MYH4: variants seen among roughly 807,000 people sequenced by gnomAD.
MYH4 encodes myosin-4.
Under a neutral mutation model 229.9 loss-of-function variants are expected in MYH4, and 200 were observed. That is an observed-to-expected ratio of 0.87 (90% CI 0.78 to 0.98). MYH4 has a LOEUF of 0.98. Ranked by LOEUF, MYH4 falls within the 50% of genes least tolerant of loss-of-function variation. MYH4 has a pLI of 0.00. For synonymous variants in MYH4, 761 were observed against 834.6 expected (o/e 0.91, Z 1.52); for missense variants, 2,148 against 2,332.6 (o/e 0.92, Z 1.63).
At position 10,452,857 on chromosome 17, in the gene MYH4, G is replaced by T; in HGVS notation, c.3187C>A (p.Leu1063Ile). 6.2e-7 allele frequency: 1 copy of T among 1,608,774 alleles called. No individual in the cohort carries two copies. The highest frequency in any genetic ancestry group is 8.5e-7 in the Non-Finnish European group (1 of 1,179,132). Residue 1063 changes from leucine to isoleucine, a missense_variant, in exon 25 of 40, where the codon CTA (leucine) becomes ATA (isoleucine). Physicochemically the swap from Leu to Ile is conservative, Grantham distance 5. Coordinates refer to ENST00000255381, the MANE Select transcript of MYH4 (RefSeq NM_017533.2). ...ATTGTGGATTCTTGGGCCAATTTTA[G>T]GTCACCCTCCAGTTTTCTCTTGGCT... ...ERAKRKLEGD[L>I]KLAQESTMDT...
chr17:10,443,504 A>G lies in MYH4; in HGVS notation c.5691T>C (p.Leu1897=), dbSNP rs1411631651. 5.6e-6 allele frequency: 9 copies of G among 1,613,920 alleles called. No individual in the cohort carries two copies. The highest frequency in any genetic ancestry group is 2.2e-5 in the East Asian group (1 of 44,892). ...EEAEEQSNVN[L]AKFRKLQHEL... ...CGTGCTGGAGCTTGCGGAACTTGGC[A>G]AGGTTGACATTGGATTGTTCCTCCT... The change falls in exon 40 of 40, where the codon CTT becomes CTC. Residue 1897 remains leucine, a synonymous_variant. Coordinates refer to ENST00000255381, the MANE Select transcript of MYH4 (RefSeq NM_017533.2). This position sits in a 1 kb window ranked among gnomAD's most constrained non-coding sequence, Gnocchi z 4.6.
In MYH4 at chr17:10,463,482, A is replaced by C. The variant is rs560274963; in HGVS notation, c.741+69T>G. 1.6e-5 allele frequency: 25 copies of C among 1,575,636 alleles called. No homozygotes were observed. In the East Asian group the frequency reaches 5.4e-4, roughly 34 times the overall value. On this transcript the variant is annotated intron_variant, in intron 8 of 39. Transcript: ENST00000255381. ...TAGCTGTGGACCAAACAGGTGGAAAAAATATTGACACCACATGCACACAAG... is the reference window on the plus strand; with the variant it reads ...TAGCTGTGGACCAAACAGGTGGAAACAATATTGACACCACATGCACACAAG...
Position 10,457,742 on chromosome 17 carries a change from A to T in MYH4, c.1588-13T>A, listed in dbSNP as rs1174482680. 4 of 1,608,368 alleles carry T rather than the reference A, an allele frequency of 2.5e-6. No homozygotes were observed. Among genetic ancestry groups the T allele is most frequent in the Non-Finnish European group, 3.4e-6 (4 of 1,176,726 alleles). On this transcript the variant is annotated splice_polypyrimidine_tract_variant and intron_variant, in intron 15 of 39. Coordinates refer to ENST00000255381, the MANE Select transcript of MYH4 (RefSeq NM_017533.2). ...AGATGCCCATAGGCTAAGAATAGGA[A>T]AAAAGGGATGATAATGATGAGTCCC...
intron 2 of MYH4, among the ~76,000 whole-genome samples, chr17:10,467,608 T>C (rs1476367526): frequency 8.5e-5 from 13 of 152,156 alleles, no homozygotes; most frequent in Admixed American, 6.5e-5. Flanking sequence ...TATTTCTCTT[T>C]GTTTTTAGTT....
In MYH4 at chr17:10,463,185, A is replaced by T; in HGVS notation, c.809T>A (p.Leu270Gln). 1 of 1,610,572 alleles carries T rather than the reference A, an allele frequency of 6.2e-7. No individual in the cohort carries two copies. Residue 270 changes from leucine (L) to glutamine (Q), a missense_variant, in exon 10 of 40, where the codon CTG (leucine) becomes CAG (glutamine). Physicochemically the swap from Leu to Gln is moderately radical, Grantham distance 113. Transcript: ENST00000255381. ...AAAAGTAACTCGGGACTTCTCTAGC[A>T]GATCTGGAAGTCAGATTAAGCTCAT... ...KLASADIETY[L>Q]LEKSRVTFQL...
rs2072561571 is a variant in MYH4 at position 10,450,577 on chromosome 17, C to T, written c.4057G>A (p.Glu1353Lys). The change falls in exon 30 of 40, where the codon GAG (glutamate) becomes AAG (lysine). Residue 1353 changes from glutamate (E) to lysine (K), a missense_variant. Physicochemically the swap from Glu to Lys is moderately conservative, Grantham distance 56. Transcript: ENST00000255381. ...DCDLLREQYE[E>K]EQEAKAELQR... Reference sequence around the variant, plus strand: ...AGCTCAGCCTTGGCTTCCTGCTCCTCCTCATACTGTTCCCGCAGCAGGTCA... The same window carrying T: ...AGCTCAGCCTTGGCTTCCTGCTCCTTCTCATACTGTTCCCGCAGCAGGTCA... The T allele has an allele frequency of 1.2e-6, 2 of 1,614,208 alleles. No homozygotes were observed. The highest frequency in any genetic ancestry group is 2.2e-5 in the South Asian group (2 of 91,092).
chr17:10,457,407 T>A lies in MYH4; in HGVS notation c.1897+13A>T. ...TGTGACTCTTGTAACATATTAGTGC[T>A]ATTAAACATGACCTGCTTCAGCAGT... On this transcript the variant is annotated intron_variant, in intron 16 of 39. Coordinates refer to ENST00000255381, the MANE Select transcript of MYH4 (RefSeq NM_017533.2). The A allele has an allele frequency of 1.3e-6, 2 of 1,585,416 alleles. No homozygotes were observed. Among genetic ancestry groups the A allele is most frequent in the Non-Finnish European group, 1.7e-6 (2 of 1,164,986 alleles).
rs112378925 is a variant in MYH4 at position 10,455,097 on chromosome 17, A to G, written c.2299-20T>C. ...GAAAACCTTATGAAAGAACAAGTTA[A>G]ATATGTTATTTCCACTTACAGGAAA... On this transcript the variant is annotated intron_variant, in intron 20 of 39. Coordinates refer to ENST00000255381, the MANE Select transcript of MYH4 (RefSeq NM_017533.2). The G allele has an allele frequency of 3.1e-6, 5 of 1,614,170 alleles. No homozygotes were observed. The African/African-American group carries it at 5.3e-5, about 17-fold the overall frequency.
intron 3 of MYH4, 51 bp from the exon 4 acceptor site, chr17:10,466,467 C>A (rs1180715765): frequency 6.2e-7 from 1 of 1,612,074 alleles, no homozygotes; most frequent in East Asian, 2.2e-5. Flanking sequence ...GCAGAAAAAG[C>A]CAGGTCAAAA....
intron 9 of MYH4, 31 bp downstream of exon 9, chr17:10,463,307 G>T (rs748471267): frequency 2.5e-6 from 4 of 1,579,468 alleles, no homozygotes; most frequent in East Asian, 4.5e-5. Context: ...CAAAGAAAAA[G>T]ATTCTCAATC....
rs1393891064 is a variant in MYH4 at position 10,457,425 on chromosome 17, T to A, written c.1892A>T (p.Glu631Val). Reference protein sequence around the residue: ...AFLFSGAQTAEAEGGGGKKGG... With the variant: ...AFLFSGAQTAVAEGGGGKKGG... ...TTAGTGCTATTAAACATGACCTGCT[T>A]CAGCAGTTTGTGCCCCAGAGAAGAG... The change falls in exon 16 of 40, where the codon GAA (glutamate) becomes GTA (valine). Residue 631 changes from glutamate to valine, a missense_variant. Coordinates refer to ENST00000255381, the MANE Select transcript of MYH4 (RefSeq NM_017533.2). 1.0e-5 allele frequency: 16 copies of A among 1,602,566 alleles called. No individual in the cohort carries two copies. The highest frequency in any genetic ancestry group is 1.3e-5 in the Non-Finnish European group (15 of 1,173,268).
In MYH4 at chr17:10,452,066, C is replaced by A. The variant is rs2072580402; in HGVS notation, c.3613G>T (p.Ala1205Ser). Residue 1205 changes from alanine (A) to serine (S), a missense_variant, in exon 27 of 40, where the codon GCT becomes TCT. By Grantham distance (99) the Ala-to-Ser change is moderately conservative (BLOSUM62 1). Coordinates refer to ENST00000255381, the MANE Select transcript of MYH4 (RefSeq NM_017533.2). ...ALRKKHADSV[A>S]ELGEQIDSLQ... is the part of the protein sequence containing the mutation. ...CTGTCAATCTGCTCCCCAAGCTCAG[C>A]CACACTATCTGCGTGCTTCTTCCGA... 2 of 1,614,006 alleles carry A rather than the reference C, an allele frequency of 1.2e-6. No homozygotes were observed. The highest frequency in any genetic ancestry group is 1.7e-5 in the Admixed American group (1 of 60,018).
chr17:10,454,625 C>CT lies in MYH4; in HGVS notation c.2620dup (p.Arg874LysfsTer17), dbSNP rs764233472. 1.9e-6 allele frequency: 3 copies of CT among 1,613,994 alleles called. No individual in the cohort carries two copies. In the African/African-American group the frequency reaches 4.0e-5, roughly 22 times the overall value. On this transcript the variant is annotated frameshift_variant, in exon 22 of 40. Transcript: ENST00000255381. LOFTEE classifies it high-confidence loss of function. ...CACCATCTTTTCTTCTAGTTCTTTC[C>CT]TTTTTGCCTCTGTCTTAGCCAGCTC... is the stretch of plus-strand genomic sequence containing the variant.
intron 14 of MYH4, 81 bp from the exon 15 acceptor site, chr17:10,459,502 T>C: frequency 7.5e-6 from 12 of 1,604,494 alleles, no homozygotes; most frequent in East Asian, 2.2e-5. Context: ...TTCTTCTGAA[T>C]TTAAGGCATT....
chr17:10,453,125 G>T, intron 24 of MYH4, 27 bp downstream of exon 24: 1 of 1,613,608 alleles, frequency 6.2e-7, no homozygotes, highest in South Asian at 1.1e-5. Flanking sequence ...TCATTGCAAG[G>T]GGAAACATTT....
Position 10,451,420 on chromosome 17 carries a change from C to T in MYH4, c.3771G>A (p.Glu1257=). The change falls in exon 28 of 40, where the codon GAG becomes GAA. Residue 1257 remains glutamate (E), a synonymous_variant. Transcript: ENST00000255381. ...ANFEKMCRTL[E]DQLSEIKTKE... is the part of the protein sequence containing the mutation. ...TTGTTTTTATTTCACTAAGCTGGTC[C>T]TCTAGGGTGCGGCACATTTTCTCAA... 1.9e-6 allele frequency: 3 copies of T among 1,613,802 alleles called. No individual in the cohort carries two copies. Among genetic ancestry groups the T allele is most frequent in the East Asian group, 2.2e-5 (1 of 44,850 alleles).
Position 10,452,476 on chromosome 17 carries a change from GC to G in MYH4, c.3287del (p.Gly1096AlafsTer72). 6.2e-7 allele frequency: 1 copy of G among 1,614,022 alleles called. No individual in the cohort carries two copies. Among genetic ancestry groups the G allele is most frequent in the African/African-American group, 1.3e-5 (1 of 75,020 alleles). On this transcript the variant is annotated frameshift_variant, in exon 26 of 40. Coordinates refer to ENST00000255381, the MANE Select transcript of MYH4 (RefSeq NM_017533.2). LOFTEE classifies it high-confidence loss of function. ...KKEFEMSNLQ[G>X]KIEDEQALAI... is the part of the protein sequence containing the mutation. ...CAAGGGCTTGTTCATCTTCAATCTT[GC>G]CTTGCAGATTGCTCATTTCAAACTC...
At chr17:10,446,645 C>T (rs1327731228) in intron 35 of MYH4, among the ~76,000 whole-genome samples, 2 of 152,146 alleles carry the variant, frequency 1.3e-5, no homozygotes, top group East Asian at 1.9e-4. Flanking sequence ...ATATGTGATA[C>T]GTAAATATTA....
At chr17:10,448,206 C>T (rs1254779418) in intron 33 of MYH4, 80 bp from the exon 34 acceptor site, 1 of 1,404,900 alleles carries the variant, frequency 7.1e-7, no homozygotes, top group Non-Finnish European at 9.6e-7. Context: ...CCCAAGAAGG[C>T]ATTAAAAAAC....
Sources: allele counts gnomAD v4.1 joint callset (sites outside exome capture counted in the v4.1 genomes callset), GRCh38; gene constraint gnomAD v4.1.1; non-coding constraint Gnocchi (gnomAD v3.1); transcripts MANE v1.5; gene names NCBI Gene and HGNC (gene_info 2026-07-23, HGNC 2026-07-21).